SYBU: variants seen among roughly 807,000 people sequenced by gnomAD.
The protein encoded by SYBU is GOLSYN A protein.
SYBU carries 21 observed loss-of-function variants against 35.9 expected under a neutral mutation model. The ratio of observed to expected loss-of-function variants is 0.58; its 90% CI spans 0.41 to 0.84. The LOEUF (loss-of-function observed/expected upper bound fraction) is 0.84. SYBU is among the 40% of genes least tolerant of loss of function. The probability of loss-of-function intolerance (pLI) is 0.00; values close to 1 mark genes in which losing one functional copy is unlikely to be tolerated. For synonymous variants in SYBU, 319 were observed against 324.3 expected (o/e 0.98, Z 0.18); for missense variants, 768 against 848.2 (o/e 0.91, Z 1.17).
intron 1 of SYBU, among the ~76,000 whole-genome samples, chr8:109,655,791 A>G (rs1816330267): frequency 6.6e-6 from 1 of 152,202 alleles, no homozygotes; most frequent in South Asian, 2.1e-4. Flanking sequence ...TTGTTATAAC[A>G]AACTCAGGAT....
At chr8:109,578,166 G>A in intron 5 of SYBU, 149 bp from the exon 6 acceptor site, 1 of 884,884 alleles carries the variant, frequency 1.1e-6, no homozygotes, top group Non-Finnish European at 1.7e-6. Flanking sequence ...GTATTAGGTG[G>A]TGACGACTTT....
chr8:109,618,580 ATTTC>A (rs747673852), intron 3 of SYBU, among the ~76,000 whole-genome samples: 49 of 152,302 alleles, frequency 3.2e-4, no homozygotes, highest in Non-Finnish European at 5.6e-4. Flanking sequence ...TCTGGCTTAT[ATTTC>A]TTCACTTTTG....
intron 3 of SYBU, among the ~76,000 whole-genome samples, chr8:109,618,144 C>T (rs983503477): frequency 6.6e-6 from 1 of 152,172 alleles, no homozygotes; most frequent in African/African-American, 2.4e-5. Context: ...GGATACCTCC[C>T]AATGACGATG....
chr8:109,644,253 ACCGC>A (rs1815314759), intron 1 of SYBU: 1 of 493,026 alleles, frequency 2.0e-6, no homozygotes, highest in African/African-American at 1.9e-5. Flanking sequence ...CGCCGGGCAC[ACCGC>A]AGACCCTGAG....
chr8:109,688,226 T>C (rs999229189), intron 1 of SYBU, among the ~76,000 whole-genome samples: 8 of 152,220 alleles, frequency 5.3e-5, no homozygotes, highest in African/African-American at 1.7e-4. Context: ...TAAATCTGAG[T>C]AAAAAAACAA....
chr8:109,574,914 T>C lies in SYBU; in HGVS notation c.1984A>G (p.Lys662Glu). 2.0e-6 allele frequency: 3 copies of C among 1,514,338 alleles called. No individual in the cohort carries two copies. The highest frequency in any genetic ancestry group is 2.7e-6 in the Non-Finnish European group (3 of 1,131,682). 93.8% of individuals were successfully genotyped at this position (1,514,338 alleles called of 1,614,324 possible). ...HSLRRTAFRI[K>E]T The stretch of plus-strand genomic sequence containing the variant: ...GTAACAACAACTTCTATTTAGGTTT[T>C]GATACGGAAGGCGGTGCGGCGGAGC... The change falls in exon 7 of 7, where the codon AAA becomes GAA. Residue 662 changes from lysine (K) to glutamate (E), a missense_variant. Coordinates refer to ENST00000276646, the MANE Select transcript of SYBU (RefSeq NM_001099754.2).
intron 2 of SYBU, 69 bp downstream of exon 2, chr8:109,642,659 G>A: frequency 8.4e-6 from 9 of 1,075,786 alleles, no homozygotes; most frequent in Non-Finnish European, 7.9e-6. Context: ...GACCCAGTAT[G>A]GGCCCATTCA....
chr8:109,660,592 G>C (rs925603391), intron 1 of SYBU, among the ~76,000 whole-genome samples: 2 of 152,126 alleles, frequency 1.3e-5, no homozygotes, highest in African/African-American at 4.8e-5. Context: ...AAAGAATAAA[G>C]TGGTTAACAA....
chr8:109,592,188 A>G (rs1050735785), intron 3 of SYBU, among the ~76,000 whole-genome samples: 4 of 152,230 alleles, frequency 2.6e-5, no homozygotes, highest in African/African-American at 9.6e-5. Flanking sequence ...CTATCCCTTA[A>G]AAAGACCTAT....
At chr8:109,627,178 A>G (rs1176839557) in intron 2 of SYBU, among the ~76,000 whole-genome samples, 2 of 152,220 alleles carry the variant, frequency 1.3e-5, no homozygotes. Flanking sequence ...GCTAGTTTAA[A>G]GAAACATTAT....
At chr8:109,607,808 T>TCTCACACACA (rs71564047) in intron 3 of SYBU, 323 of 377,176 alleles carry the variant, frequency 8.6e-4, no homozygotes, top group Middle Eastern at 4.8e-3. Context: ...CACAACTAAC[T>TCTCACACACA]CACACACACA....
At chr8:109,615,063 T>A (rs1481210074) in intron 3 of SYBU, among the ~76,000 whole-genome samples, 1 of 152,190 alleles carries the variant, frequency 6.6e-6, no homozygotes, top group Non-Finnish European at 1.5e-5. Flanking sequence ...TTTATCTTAA[T>A]GACCAAAGGG....
intron 1 of SYBU, among the ~76,000 whole-genome samples, chr8:109,689,755 A>T (rs1450385404): frequency 6.7e-6 from 1 of 148,866 alleles, no homozygotes. Context: ...CCCTCATCCC[A>T]TCTCCAAACC....
chr8:109,588,600 C>CT (rs1401308467), intron 3 of SYBU, among the ~76,000 whole-genome samples: 1 of 152,102 alleles, frequency 6.6e-6, no homozygotes, highest in Admixed American at 6.5e-5. Flanking sequence ...TCAGTGAACT[C>CT]TTTTTAAGGG....
intron 1 of SYBU, among the ~76,000 whole-genome samples, chr8:109,656,543 C>A (rs1165071738): frequency 6.6e-6 from 1 of 152,098 alleles, no homozygotes; most frequent in South Asian, 2.1e-4. Flanking sequence ...TGCTAAAAAC[C>A]AGGAAATGAA....
At chr8:109,594,942 C>T (rs1415239073) in intron 3 of SYBU, among the ~76,000 whole-genome samples, 1 of 152,158 alleles carries the variant, frequency 6.6e-6, no homozygotes, top group Non-Finnish European at 1.5e-5. Context: ...TTGGGAAAGA[C>T]AAGCTCTCTG....
chr8:109,655,908 A>G (rs961703496), intron 1 of SYBU, among the ~76,000 whole-genome samples: 1 of 152,154 alleles, frequency 6.6e-6, no homozygotes, highest in Non-Finnish European at 1.5e-5. Flanking sequence ...TGAGGTCAGG[A>G]GTTTGAGACC....
intron 3 of SYBU, among the ~76,000 whole-genome samples, chr8:109,609,306 A>G (rs967012498): frequency 1.3e-5 from 2 of 152,206 alleles, no homozygotes; most frequent in Non-Finnish European, 2.9e-5. Context: ...CCCTTTGGAG[A>G]GTCAACTGAT....
intron 3 of SYBU, among the ~76,000 whole-genome samples, chr8:109,587,592 C>G (rs1823768808): frequency 6.6e-6 from 1 of 152,200 alleles, no homozygotes; most frequent in African/African-American, 2.4e-5. Context: ...TGTGGCCAGA[C>G]TCTGGCCTAC....
Sources: allele counts gnomAD v4.1 joint callset (sites outside exome capture counted in the v4.1 genomes callset), GRCh38; gene constraint gnomAD v4.1.1; transcripts MANE v1.5; gene names NCBI Gene and HGNC (gene_info 2026-07-23, HGNC 2026-07-21).